The following ERMARD variants were observed in gnomAD, a reference collection of about 807,000 sequenced individuals.
The protein encoded by ERMARD is endoplasmic reticulum membrane-associated RNA degradation protein.
ERMARD carries 71 observed loss-of-function variants against 83.9 expected under a neutral mutation model. The observed-to-expected ratio is 0.85, with a 90% CI of 0.70 to 1.03. The LOEUF is 1.03. ERMARD is among the 50% of genes least tolerant of loss of function. The pLI is 0.00. For missense variants in ERMARD, 838 were observed against 810.9 expected, an observed-to-expected ratio of 1.03 and a Z score of -0.41; for synonymous variants, 284 against 298.6, an observed-to-expected ratio of 0.95 and a Z score of 0.50.
Position 169,755,440 on chromosome 6 carries a change from C to T in ERMARD, c.315+18C>T. The T allele has an allele frequency of 1.2e-6, 2 of 1,613,400 alleles. No homozygotes were observed. The highest frequency in any genetic ancestry group is 1.7e-6 in the Non-Finnish European group (2 of 1,179,764). The stretch of plus-strand genomic sequence containing the variant: ...TTCCAGAGGTTTGGCTTTTGAACAA[C>T]CTTTAGAAATAAAAGACTGTGCGAA... On this transcript the variant is annotated intron_variant, in intron 3 of 17. Coordinates refer to ENST00000366773, the MANE Select transcript of ERMARD (RefSeq NM_018341.3).
chr6:169,756,823 C>G lies in ERMARD; in HGVS notation c.507+15C>G. 1 of 1,610,470 alleles carries G rather than the reference C, an allele frequency of 6.2e-7. No homozygotes were observed. The highest frequency in any genetic ancestry group is 1.1e-5 in the South Asian group (1 of 90,956). On this transcript the variant is annotated intron_variant, in intron 5 of 17. Coordinates refer to ENST00000366773, the MANE Select transcript of ERMARD (RefSeq NM_018341.3). ...GTCAGTCTGTGGTAAGCTTGTTCAT[C>G]TAAACTCATGGAGTATATTAGTCCG...
At chr6:169,777,000 G>A (rs1228303812) in intron 16 of ERMARD, among the ~76,000 whole-genome samples, 8 of 152,232 alleles carry the variant, frequency 5.3e-5, no homozygotes, top group Admixed American at 6.5e-5. Context: ...CAGGTGTAAG[G>A]TGTACATTGG....
chr6:169,779,866 T>C (rs1162364144), intron 17 of ERMARD, among the ~76,000 whole-genome samples: 1 of 152,210 alleles, frequency 6.6e-6, no homozygotes, highest in Non-Finnish European at 1.5e-5. Context: ...AGTGTGACAC[T>C]TGTGTGACCC....
chr6:169,755,188 T>G, intron 2 of ERMARD, 95 bp from the exon 3 acceptor site: 1 of 1,435,384 alleles, frequency 7.0e-7, no homozygotes, highest in Non-Finnish European at 9.4e-7. Flanking sequence ...TGTGGAAATT[T>G]TATAATTAAA....
chr6:169,779,147 T>C, intron 16 of ERMARD, 35 bp from the exon 17 acceptor site: 1 of 1,549,966 alleles, frequency 6.5e-7, no homozygotes, highest in Non-Finnish European at 8.9e-7. Context: ...TACCAACATA[T>C]CCTCACATTT....
chr6:169,776,830 C>T (rs944513091), intron 16 of ERMARD, among the ~76,000 whole-genome samples, 157 bp downstream of exon 16: 10 of 152,180 alleles, frequency 6.6e-5, no homozygotes, highest in African/African-American at 2.2e-4. Context: ...AGTGTGAACC[C>T]AAAGTATCTG....
Position 169,751,638 on chromosome 6 carries a change from G to A in ERMARD, c.-20G>A. The A allele has an allele frequency of 6.4e-7, 1 of 1,568,412 alleles. No homozygotes were observed. The highest frequency in any genetic ancestry group is 1.9e-5 in the Admixed American group (1 of 52,312). On this transcript the variant is annotated 5_prime_UTR_variant, in exon 1 of 18. Coordinates refer to ENST00000366773, the MANE Select transcript of ERMARD (RefSeq NM_018341.3). ...GGCGCCTGCGTCATTCACGCGCGCC[G>A]CAGCGGGGCACCGGAAGTTATGGAG... is the stretch of plus-strand genomic sequence containing the variant.
chr6:169,775,183 T>C (rs1372135333), intron 13 of ERMARD, 87 bp from the exon 14 acceptor site: 1 of 1,324,290 alleles, frequency 7.6e-7, no homozygotes, highest in East Asian at 2.4e-5. Flanking sequence ...ACGTATTTTC[T>C]AGAGAGTGAT....
intron 13 of ERMARD, among the ~76,000 whole-genome samples, chr6:169,773,952 G>A (rs1793279492): frequency 6.6e-6 from 1 of 152,174 alleles, no homozygotes; most frequent in Non-Finnish European, 1.5e-5. Flanking sequence ...TTGTGCAGGT[G>A]AAAATTTATA....
At chr6:169,756,870 C>T in intron 5 of ERMARD, 62 bp downstream of exon 5, 1 of 1,441,702 alleles carries the variant, frequency 6.9e-7, no homozygotes. Context: ...CTGTTAAAGA[C>T]ATACCCAAGA....
upstream of ERMARD, chr6:169,751,590 AGCGCCTGGAGGAGGGGCGCGCAG>A (rs913439343): frequency 3.1e-6 from 5 of 1,598,916 alleles, no homozygotes; most frequent in African/African-American, 4.0e-5. Flanking sequence ...AGGGCTCCAA[AGCGCCTGGAGGAGGGGCGCGCAG>A]GCGCCTGCGT....
At chr6:169,781,132 T>C (rs1200135624) in intron 17 of ERMARD, among the ~76,000 whole-genome samples, 198 bp from the exon 18 acceptor site, 1 of 152,264 alleles carries the variant, frequency 6.6e-6, no homozygotes, top group Non-Finnish European at 1.5e-5. Flanking sequence ...CAGTAGCATT[T>C]ACATTTCAGC....
chr6:169,758,715 T>TC (rs1791134325), intron 5 of ERMARD, among the ~76,000 whole-genome samples: 1 of 152,220 alleles, frequency 6.6e-6, no homozygotes, highest in African/African-American at 2.4e-5. Context: ...TGTATTTTTT[T>TC]CACCTAGATG....
intron 3 of ERMARD, 132 bp downstream of exon 3, chr6:169,755,554 G>T: frequency 3.6e-6 from 4 of 1,124,052 alleles, no homozygotes; most frequent in African/African-American, 1.6e-5. Flanking sequence ...AGGGTTGTAA[G>T]AGAACCCTGG....
At chr6:169,769,011 A>C (rs765458446) in intron 11 of ERMARD, among the ~76,000 whole-genome samples, 3 of 152,244 alleles carry the variant, frequency 2.0e-5, no homozygotes, top group Admixed American at 1.3e-4. Context: ...ATCAAAAAAT[A>C]AGATGATTGA....
chr6:169,759,737 A>T, intron 6 of ERMARD, 101 bp from the exon 7 acceptor site: 1 of 1,168,024 alleles, frequency 8.6e-7, no homozygotes, highest in Non-Finnish European at 1.2e-6. Context: ...CATGCAATTT[A>T]ACTTTGCTTT....
At chr6:169,765,674 TGTA>T (rs1296736192) in intron 9 of ERMARD, among the ~76,000 whole-genome samples, 1 of 152,258 alleles carries the variant, frequency 6.6e-6, no homozygotes, top group Non-Finnish European at 1.5e-5. Context: ...GAGTCATCTG[TGTA>T]GTAATGTTGA....
At chr6:169,770,803 T>C (rs887978668) in intron 12 of ERMARD, 2 of 151,540 alleles carry the variant, frequency 1.3e-5, no homozygotes, top group African/African-American at 4.8e-5. Context: ...GTTTTTATTT[T>C]CATTTCTTTT....
Position 169,754,027 on chromosome 6 carries a change from A to G in ERMARD, c.170A>G (p.Glu57Gly), listed in dbSNP as rs757451102. 17 of 1,609,140 alleles carry G rather than the reference A, an allele frequency of 1.1e-5. No homozygotes were observed. In the East Asian group the frequency reaches 3.6e-4, roughly 34 times the overall value. ...KTITDCVSYTESEQGLDYWGS... is the reference protein window; with the variant it reads ...KTITDCVSYTGSEQGLDYWGS... Reference sequence around the variant, plus strand: ...ATCACAGACTGTGTGAGCTACACAGAGTCAGGTTTGTGCTGTCTTTGTACT... The same window carrying G: ...ATCACAGACTGTGTGAGCTACACAGGGTCAGGTTTGTGCTGTCTTTGTACT... The change falls in exon 2 of 18, where the codon GAG becomes GGG. Residue 57 changes from glutamate to glycine, a missense_variant. Glu to Gly is a moderately conservative substitution (Grantham distance 98). Transcript: ENST00000366773.
Sources: allele counts gnomAD v4.1 joint callset (sites outside exome capture counted in the v4.1 genomes callset), GRCh38; gene constraint gnomAD v4.1.1; transcripts MANE v1.5; gene names NCBI Gene and HGNC (gene_info 2026-07-23, HGNC 2026-07-21).